CDKN2B-AS1: variants seen among roughly 807,000 people sequenced by gnomAD.
The protein encoded by CDKN2B-AS1 is CDKN2B and CDKN2A antisense cis and trans regulatory RNA 1, also known as CDKN2B antisense RNA 1 (non-protein coding).
intron 1 of CDKN2B-AS1, among the ~76,000 whole-genome samples, chr9:22,043,864 C>T (rs1563942498): frequency 6.6e-6 from 1 of 151,802 alleles, no homozygotes; most frequent in Non-Finnish European, 1.5e-5. Context: ...CAAAATCTTG[C>T]CTTTAGTAGT....
intron 4 of CDKN2B-AS1, among the ~76,000 whole-genome samples, chr9:22,073,019 T>C (rs1226418025): frequency 6.6e-6 from 1 of 152,314 alleles, no homozygotes; most frequent in East Asian, 1.9e-4. Flanking sequence ...TGAAAGTTAA[T>C]ATTACAGACC....
intron 4 of CDKN2B-AS1, among the ~76,000 whole-genome samples, chr9:22,075,792 G>A (rs1055279131): frequency 1.3e-5 from 2 of 152,190 alleles, no homozygotes; most frequent in African/African-American, 4.8e-5. Flanking sequence ...AAATGAAGCA[G>A]GGATGAGAAG....
At chr9:22,016,643 G>A (rs1029798259) in intron 1 of CDKN2B-AS1, among the ~76,000 whole-genome samples, 4 of 151,936 alleles carry the variant, frequency 2.6e-5, no homozygotes, top group Non-Finnish European at 5.9e-5. Flanking sequence ...AAATAACACC[G>A]CATATCTACA....
chr9:22,080,128 T>G (rs1395837177), intron 4 of CDKN2B-AS1, among the ~76,000 whole-genome samples: 1 of 152,234 alleles, frequency 6.6e-6, no homozygotes, highest in African/African-American at 2.4e-5. Flanking sequence ...ACCAAAGGCG[T>G]GAGCTGTTAA....
At chr9:22,072,265 A>G (rs10757269) in intron 4 of CDKN2B-AS1, among the ~76,000 whole-genome samples, 93,436 of 152,054 alleles carry the variant, frequency 0.61, 30,566 homozygotes, top group African/African-American at 0.84. Context: ...GTTCTTTTAG[A>G]TAATTTTTTT....
intron 4 of CDKN2B-AS1, among the ~76,000 whole-genome samples, chr9:22,062,708 G>A (rs1385662208): frequency 6.6e-6 from 1 of 151,858 alleles, no homozygotes; most frequent in Non-Finnish European, 1.5e-5. Flanking sequence ...GCTGAGGGGT[G>A]TCTGGGTTGG....
chr9:22,122,616 A>T (rs1826124424), intron 4 of CDKN2B-AS1, among the ~76,000 whole-genome samples: 2 of 152,208 alleles, frequency 1.3e-5, no homozygotes, highest in Non-Finnish European at 2.9e-5. Context: ...CTGCATATAG[A>T]TATCCAGTTT....
chr9:22,068,369 A>G (rs956274781), intron 4 of CDKN2B-AS1, among the ~76,000 whole-genome samples: 23 of 152,152 alleles, frequency 1.5e-4, no homozygotes, highest in African/African-American at 5.5e-4. Context: ...ATATAATCTA[A>G]TCTAGGAGAT....
At chr9:22,041,967 C>A (rs1822914419) in intron 1 of CDKN2B-AS1, among the ~76,000 whole-genome samples, 1 of 151,938 alleles carries the variant, frequency 6.6e-6, no homozygotes, top group Admixed American at 6.6e-5. Context: ...CTTACCAGGG[C>A]AGATTTGGAT....
intron 4 of CDKN2B-AS1, among the ~76,000 whole-genome samples, chr9:22,081,701 A>G (rs1230671178): frequency 6.6e-6 from 1 of 152,228 alleles, no homozygotes; most frequent in Non-Finnish European, 1.5e-5. Context: ...CTTGTCTATT[A>G]GTTGTGTAAT....
intron 4 of CDKN2B-AS1, among the ~76,000 whole-genome samples, chr9:22,097,670 A>G (rs1825330599): frequency 6.6e-6 from 1 of 152,152 alleles, no homozygotes; most frequent in Non-Finnish European, 1.5e-5. Context: ...TAAGAATAAT[A>G]TTGTCCTTTA....
At position 22,005,114 on chromosome 9, in the gene CDKN2B-AS1, G is replaced by GTA. The variant is rs66650443; in HGVS notation, n.29+9954_29+9955insAT. ...TAAGGGGATTTCCGCATCCTAGCAT[G>GTA]TGTGTGTGTGTGTGTGTGTGTGTGT... On this transcript the variant is annotated intron_variant and non_coding_transcript_variant, in intron 1 of 4. Transcript: ENST00000650946. The surrounding 1 kb of genome is among the most constrained non-coding windows in gnomAD (Gnocchi z 4.9). 2 of 172,344 alleles carry GTA rather than the reference G, an allele frequency of 1.2e-5. No homozygotes were observed. Among genetic ancestry groups the GTA allele is most frequent in the Non-Finnish European group, 1.2e-5 (1 of 83,050 alleles). 10.7% of individuals were successfully genotyped at this position (172,344 alleles called of 1,614,324 possible).
intron 1 of CDKN2B-AS1, chr9:22,003,508 AG>A: frequency 4.4e-6 from 1 of 229,024 alleles, no homozygotes; most frequent in East Asian, 6.3e-5. Flanking sequence ...TAAGATATAG[AG>A]GTCAAATTAA....
At chr9:22,040,703 A>G (rs185549038) in intron 1 of CDKN2B-AS1, among the ~76,000 whole-genome samples, 6 of 152,036 alleles carry the variant, frequency 3.9e-5, no homozygotes, top group Non-Finnish European at 8.8e-5. Context: ...GTGTGCACGA[A>G]TGCCTCCTTT....
chr9:22,114,858 A>C (rs928860936), intron 4 of CDKN2B-AS1, among the ~76,000 whole-genome samples: 1 of 152,242 alleles, frequency 6.6e-6, no homozygotes, highest in Non-Finnish European at 1.5e-5. Flanking sequence ...CATGTCATTG[A>C]AAGAGCTAAT....
At chr9:22,126,497 T>C (rs1818024634) in intron 4 of CDKN2B-AS1, among the ~76,000 whole-genome samples, 1 of 151,988 alleles carries the variant, frequency 6.6e-6, no homozygotes, top group South Asian at 2.1e-4. Context: ...AAAGTTTGCT[T>C]ATCTTTCGAA....
Position 22,001,600 on chromosome 9 carries a change from A to T in CDKN2B-AS1, n.29+6439A>T, listed in dbSNP as rs1183362247. ...ATTATTAATTAGTGGCACTAGTATT[A>T]GTTCATATTTTCTTTTATTATGTAA... On this transcript the variant is annotated intron_variant and non_coding_transcript_variant, in intron 1 of 4. Transcript: ENST00000650946. The surrounding 1 kb of genome is among the most constrained non-coding windows in gnomAD (Gnocchi z 4.2). Among the ~76,000 whole-genome samples, 5 of 152,256 alleles carry T rather than the reference A, an allele frequency of 3.3e-5. No homozygotes were observed. The highest frequency in any genetic ancestry group is 1.2e-4 in the African/African-American group (5 of 41,582).
rs115501647 is a variant in CDKN2B-AS1, at chr9:22,109,496, C to T, written n.439-17607C>T. Among the ~76,000 whole-genome samples, 622 of 152,240 alleles carry T rather than the reference C, an allele frequency of 4.1e-3. 8 individuals carry two copies. Among genetic ancestry groups the T allele is most frequent in the African/African-American group, 0.014 (588 of 41,530 alleles). On this transcript the variant is annotated intron_variant and non_coding_transcript_variant, in intron 4 of 4. Coordinates refer to ENST00000650946, the Ensembl canonical transcript of CDKN2B-AS1. ...AACCCTAATACGTTTCCTGCGTGTACTTATTGAAGGAATAATGACAAACTC... is the reference window on the plus strand; with the variant it reads ...AACCCTAATACGTTTCCTGCGTGTATTTATTGAAGGAATAATGACAAACTC...
intron 4 of CDKN2B-AS1, among the ~76,000 whole-genome samples, chr9:22,070,714 A>G (rs1377476551): frequency 6.6e-6 from 1 of 152,246 alleles, no homozygotes; most frequent in African/African-American, 2.4e-5. Context: ...GGTCCCAGCC[A>G]TGACAGTAGT....
Sources: allele counts gnomAD v4.1 joint callset (sites outside exome capture counted in the v4.1 genomes callset), GRCh38; gene constraint gnomAD v4.1.1; non-coding constraint Gnocchi (gnomAD v3.1); transcripts MANE v1.5; gene names NCBI Gene and HGNC (gene_info 2026-07-23, HGNC 2026-07-21).